The following MAN1C1 variants were observed in gnomAD, a reference collection of about 807,000 sequenced individuals.
MAN1C1 encodes the protein mannosyl-oligosaccharide 1,2-alpha-mannosidase IC.
In MAN1C1, 49 loss-of-function variants were observed where a neutral mutation model predicts 71.5. The observed-to-expected ratio is 0.69, with a 90% CI of 0.54 to 0.87. MAN1C1 has a LOEUF of 0.87. Among genes scored for constraint, MAN1C1 ranks in the 40% least tolerant of loss-of-function variants. The probability of loss-of-function intolerance (pLI) is 0.00; values close to 1 mark genes in which losing one functional copy is unlikely to be tolerated. For missense variants in MAN1C1, 743 were observed against 835.0 expected (o/e 0.89, Z 1.36); for synonymous variants, 352 against 343.7 (o/e 1.02, Z -0.27).
intron 2 of MAN1C1, among the ~76,000 whole-genome samples, chr1:25,724,934 G>A (rs992499210): frequency 2.0e-5 from 3 of 152,144 alleles, no homozygotes; most frequent in Non-Finnish European, 4.4e-5. Flanking sequence ...ACAGGCAACC[G>A]ATGAAATTTG....
chr1:25,682,086 A>G (rs1043656225), intron 1 of MAN1C1, among the ~76,000 whole-genome samples: 2 of 152,206 alleles, frequency 1.3e-5, no homozygotes, highest in Non-Finnish European at 2.9e-5. Context: ...TGCTTGGCAG[A>G]TTTCTTATTT....
At chr1:25,702,211 T>C (rs2046454480) in intron 2 of MAN1C1, among the ~76,000 whole-genome samples, 1 of 152,132 alleles carries the variant, frequency 6.6e-6, no homozygotes, top group Admixed American at 6.5e-5. Flanking sequence ...TAGAAAGAAC[T>C]TGAGCACCCA....
At chr1:25,741,899 G>A (rs2047067998) in intron 2 of MAN1C1, among the ~76,000 whole-genome samples, 1 of 152,282 alleles carries the variant, frequency 6.6e-6, no homozygotes, top group East Asian at 1.9e-4. Flanking sequence ...TGGGTTGGGG[G>A]GTTCTGACCT....
intron 1 of MAN1C1, among the ~76,000 whole-genome samples, chr1:25,673,839 C>T (rs552736331): frequency 6.6e-6 from 1 of 152,352 alleles, no homozygotes; most frequent in East Asian, 1.9e-4. Flanking sequence ...TTACCCCTAC[C>T]CTGCCTAACT....
At chr1:25,689,876 T>C (rs949361469) in intron 2 of MAN1C1, among the ~76,000 whole-genome samples, 6 of 152,190 alleles carry the variant, frequency 3.9e-5, no homozygotes, top group Admixed American at 3.3e-4. Context: ...GGACACTGGC[T>C]CTTACGGCCT....
chr1:25,739,175 T>C (rs554220540), intron 2 of MAN1C1, among the ~76,000 whole-genome samples: 1 of 152,298 alleles, frequency 6.6e-6, no homozygotes, highest in African/African-American at 2.4e-5. Context: ...TTCTGCTTCA[T>C]TCCGTTGGTC....
At position 25,778,754 on chromosome 1, in the gene MAN1C1, C is replaced by T. The variant is rs2047654643; in HGVS notation, c.1477+430C>T. 6.6e-6 allele frequency among the ~76,000 whole-genome samples: 1 copy of T among 152,172 alleles called. No homozygotes were observed. The highest frequency in any genetic ancestry group is 2.1e-4 in the South Asian group (1 of 4,828). On this transcript the variant is annotated intron_variant, in intron 9 of 11. Coordinates refer to ENST00000374332, the MANE Select transcript of MAN1C1 (RefSeq NM_020379.4). The surrounding 1 kb of genome is among the most constrained non-coding windows in gnomAD (Gnocchi z 5.5). ...AAATGTGCCTCTGCCTTTCCCCCGG[C>T]ACCCTCCTTAGAGGGGGTTTCACCG... is the stretch of plus-strand genomic sequence containing the variant.
In MAN1C1 at chr1:25,686,543, C is replaced by T. The variant is rs530214190; in HGVS notation, c.637+7C>T. ...TACGAGGGTAACATGTTCGGTGAGT[C>T]GATTCAAACCACTTTGATATTGGGA... On this transcript the variant is annotated splice_region_variant and intron_variant, in intron 2 of 11. Transcript: ENST00000374332. 13 of 1,612,908 alleles carry T rather than the reference C, an allele frequency of 8.1e-6. No homozygotes were observed. The South Asian group carries it at 1.4e-4, about 18-fold the overall frequency.
At chr1:25,731,255 A>G (rs868477697) in intron 2 of MAN1C1, among the ~76,000 whole-genome samples, 1 of 152,210 alleles carries the variant, frequency 6.6e-6, no homozygotes, top group African/African-American at 2.4e-5. Context: ...GGCTGCAGTG[A>G]GCTGTGATCG....
intron 1 of MAN1C1, among the ~76,000 whole-genome samples, chr1:25,675,584 C>T (rs1345284802): frequency 1.2e-4 from 7 of 56,458 alleles, no homozygotes; most frequent in Non-Finnish European, 2.9e-4. Flanking sequence ...ACTTATTTTG[C>T]GGGGGGGGGG....
In MAN1C1 at chr1:25,707,631, G is replaced by C. The variant is rs75608845; in HGVS notation, c.637+21095G>C. 1.8e-3 allele frequency among the ~76,000 whole-genome samples: 279 copies of C among 152,320 alleles called. 2 individuals carry two copies. Among genetic ancestry groups the C allele is most frequent in the African/African-American group, 5.8e-3 (240 of 41,560 alleles). On this transcript the variant is annotated intron_variant, in intron 2 of 11. Coordinates refer to ENST00000374332, the MANE Select transcript of MAN1C1 (RefSeq NM_020379.4). Reference sequence around the variant, plus strand: ...CCCTGGTACAATGAACCAGCCACTGGACAGGACTTACCATTCATTCATTTG... The same window carrying C: ...CCCTGGTACAATGAACCAGCCACTGCACAGGACTTACCATTCATTCATTTG...
chr1:25,667,444 C>T (rs2045938820), intron 1 of MAN1C1, among the ~76,000 whole-genome samples: 1 of 141,144 alleles, frequency 7.1e-6, no homozygotes, highest in Non-Finnish European at 1.5e-5. Context: ...AAGATGGGGC[C>T]ACTGCACTCC....
In MAN1C1 at chr1:25,778,215, G is replaced by C. The variant is rs772747820; in HGVS notation, c.1368G>C (p.Gly456=). ...HKMGHLACFS[G]GMIALGAEDA... is the part of the protein sequence containing the mutation. The stretch of plus-strand genomic sequence containing the variant: ...TGGGGCACCTGGCCTGTTTCTCCGG[G>C]GGCATGATCGCCCTTGGCGCCGAGG... The change falls in exon 9 of 12, where the codon GGG becomes GGC. Residue 456 remains glycine, a synonymous_variant. Transcript: ENST00000374332. This position sits in a 1 kb window ranked among gnomAD's most constrained non-coding sequence, Gnocchi z 5.5. 1 of 1,614,052 alleles carries C rather than the reference G, an allele frequency of 6.2e-7. No individual in the cohort carries two copies.
Position 25,617,824 on chromosome 1 carries a change from C to T in MAN1C1, c.27C>T (p.Phe9=). 1 of 1,603,918 alleles carries T rather than the reference C, an allele frequency of 6.2e-7. No homozygotes were observed. ...TGCTCATGAGGAAAGTGCCCGGCTT[C>T]GTCCCGGCCTCCCCGTGGGGGCTGC... The part of the protein sequence containing the change: MLMRKVPG[F]VPASPWGLRL... The change falls in exon 1 of 12, where the codon TTC becomes TTT. Residue 9 remains phenylalanine, a synonymous_variant. Coordinates refer to ENST00000374332, the MANE Select transcript of MAN1C1 (RefSeq NM_020379.4). This position sits in a 1 kb window ranked among gnomAD's most constrained non-coding sequence, Gnocchi z 5.1.
At chr1:25,706,764 C>G (rs149940560) in intron 2 of MAN1C1, among the ~76,000 whole-genome samples, 50 of 152,336 alleles carry the variant, frequency 3.3e-4, no homozygotes, top group African/African-American at 1.0e-3. Context: ...GCACTTAAGA[C>G]AGGCTTGTGG....
At chr1:25,729,881 G>A (rs997677520) in intron 2 of MAN1C1, among the ~76,000 whole-genome samples, 6 of 152,146 alleles carry the variant, frequency 3.9e-5, no homozygotes, top group Non-Finnish European at 8.8e-5. Context: ...GCTGCAGAGT[G>A]GCAAAGTCAA....
chr1:25,645,671 A>G (rs892385842), intron 1 of MAN1C1: 3 of 152,252 alleles, frequency 2.0e-5, no homozygotes, highest in African/African-American at 7.2e-5. Flanking sequence ...TTCACTTGAA[A>G]CCAAGCCCCG....
At chr1:25,628,192 G>A (rs1449223576) in intron 1 of MAN1C1, among the ~76,000 whole-genome samples, 1 of 151,994 alleles carries the variant, frequency 6.6e-6, no homozygotes, top group East Asian at 1.9e-4. Flanking sequence ...GTTTTGAATA[G>A]TGTTTATGTT....
intron 2 of MAN1C1, among the ~76,000 whole-genome samples, chr1:25,714,638 T>C (rs2046656477): frequency 6.6e-6 from 1 of 152,232 alleles, no homozygotes; most frequent in Non-Finnish European, 1.5e-5. Flanking sequence ...AAATGTCCAC[T>C]AATTCTCAGA....
Sources: allele counts gnomAD v4.1 joint callset (sites outside exome capture counted in the v4.1 genomes callset), GRCh38; gene constraint gnomAD v4.1.1; non-coding constraint Gnocchi (gnomAD v3.1); transcripts MANE v1.5; gene names NCBI Gene and HGNC (gene_info 2026-07-23, HGNC 2026-07-21).